The following CEP43 variants were observed in gnomAD, a reference collection of about 807,000 sequenced individuals.
CEP43 encodes the protein FGFR1 oncogene partner.
In CEP43, 36 loss-of-function variants were observed where a neutral mutation model predicts 52.6. That is an observed-to-expected ratio of 0.68 (90% CI 0.52 to 0.90). The LOEUF is 0.90. Among genes scored for constraint, CEP43 ranks in the 40% least tolerant of loss-of-function variants. The pLI, the probability that CEP43 is intolerant of heterozygous loss-of-function variation, is 0.00. For missense variants in CEP43, 506 were observed against 472.8 expected (o/e 1.07, Z -0.65); for synonymous variants, 192 against 172.4 (o/e 1.11, Z -0.89).
At chr6:167,026,826 C>G (rs1341132860) in intron 10 of CEP43, among the ~76,000 whole-genome samples, 1 of 152,172 alleles carries the variant, frequency 6.6e-6, no homozygotes, top group Admixed American at 6.5e-5. Flanking sequence ...GAACCTCTGT[C>G]TTCATGGAGT....
intron 7 of CEP43, among the ~76,000 whole-genome samples, chr6:167,020,107 A>G (rs750428294): frequency 6.6e-6 from 1 of 152,258 alleles, no homozygotes; most frequent in Non-Finnish European, 1.5e-5. Context: ...ACTGCTGTGA[A>G]TTACATAATA....
intron 7 of CEP43, among the ~76,000 whole-genome samples, chr6:167,020,400 C>T (rs991703646): frequency 6.6e-6 from 1 of 152,200 alleles, no homozygotes; most frequent in African/African-American, 2.4e-5. Flanking sequence ...ATAATGCATT[C>T]TGTCTGTACC....
intron 12 of CEP43, among the ~76,000 whole-genome samples, chr6:167,038,279 C>T (rs1449017313): frequency 6.6e-6 from 1 of 152,128 alleles, no homozygotes; most frequent in Non-Finnish European, 1.5e-5. Flanking sequence ...GTCTGAGACT[C>T]CATGGGCCGT....
At position 167,040,025 on chromosome 6, in the gene CEP43, G is replaced by A. The variant is rs777659819; in HGVS notation, c.*47G>A. The A allele has an allele frequency of 1.1e-5, 17 of 1,534,982 alleles. No homozygotes were observed. The Admixed American group carries it at 2.0e-4, about 18-fold the overall frequency. On this transcript the variant is annotated 3_prime_UTR_variant, in exon 13 of 13. Coordinates refer to ENST00000366847, the MANE Select transcript of CEP43 (RefSeq NM_007045.4). Reference sequence around the variant, plus strand: ...AATTAACAAGGACAGAGGACTGACCGGTTCCATTTTTTTTTTTTCCAGACA... The same window carrying A: ...AATTAACAAGGACAGAGGACTGACCAGTTCCATTTTTTTTTTTTCCAGACA...
rs1466778552 is a variant in CEP43 at position 167,048,283 on chromosome 6, AT to A, written c.*8307del. 1 of 152,288 alleles carries A rather than the reference AT, an allele frequency of 6.6e-6. No homozygotes were observed. The highest frequency in any genetic ancestry group is 1.5e-5 in the Non-Finnish European group (1 of 68,120). 9.4% of individuals were successfully genotyped at this position (152,288 alleles called of 1,614,324 possible). A position where few individuals can be genotyped will look rare whatever the true frequency, so the allele number is the denominator to read the frequency against. Reference sequence around the variant, plus strand: ...ATGGCCTGTGCCTGTAGTCCTAGCTATTGAGGAAACTGATGCAGGAGGATCA... The same window carrying A: ...ATGGCCTGTGCCTGTAGTCCTAGCTATGAGGAAACTGATGCAGGAGGATCA... On this transcript the variant is annotated 3_prime_UTR_variant, in exon 13 of 13. Transcript: ENST00000366847.
intron 5 of CEP43, among the ~76,000 whole-genome samples, chr6:167,006,611 G>A (rs566451550): frequency 2.6e-5 from 4 of 152,316 alleles, no homozygotes; most frequent in South Asian, 4.1e-4. Context: ...TTAGATATAA[G>A]TTAGACACGA....
intron 6 of CEP43, among the ~76,000 whole-genome samples, chr6:167,011,109 T>C (rs1053877352): frequency 6.6e-6 from 1 of 152,224 alleles, no homozygotes; most frequent in Non-Finnish European, 1.5e-5. Flanking sequence ...TAGAAAGGAA[T>C]GTGCTGGTAA....
intron 12 of CEP43, among the ~76,000 whole-genome samples, chr6:167,038,011 G>A (rs1780618939): frequency 6.6e-6 from 1 of 152,188 alleles, no homozygotes; most frequent in African/African-American, 2.4e-5. Flanking sequence ...AGCTGTCAGT[G>A]GGACCTGCCC....
intron 2 of CEP43, among the ~76,000 whole-genome samples, chr6:167,002,441 A>G (rs1779757877): frequency 6.6e-6 from 1 of 152,246 alleles, no homozygotes; most frequent in Admixed American, 6.5e-5. Context: ...GAACAGTCAC[A>G]TACAAGTCTT....
Position 167,026,607 on chromosome 6 carries a change from T to A in CEP43, c.980T>A (p.Leu327His). ...LKLISDKIGSLGLGTGEDDDY... is the reference protein window; with the variant it reads ...LKLISDKIGSHGLGTGEDDDY... ...TTGATCAGTGATAAAATTGGATCAC[T>A]TGGATTAGGTAATTAGATTTCTAGT... The change falls in exon 10 of 13, where the codon CTT becomes CAT. Residue 327 changes from leucine to histidine, a missense_variant. By Grantham distance (99) the Leu-to-His change is moderately conservative. Coordinates refer to ENST00000366847, the MANE Select transcript of CEP43 (RefSeq NM_007045.4). 1 of 1,571,832 alleles carries A rather than the reference T, an allele frequency of 6.4e-7. No homozygotes were observed. The highest frequency in any genetic ancestry group is 1.1e-5 in the South Asian group (1 of 90,138).
intron 1 of CEP43, 38 bp downstream of exon 1, chr6:166,999,552 C>T (rs368889787): frequency 8.3e-5 from 111 of 1,337,088 alleles, no homozygotes; most frequent in Non-Finnish European, 1.1e-4. Flanking sequence ...GGCGGATCCG[C>T]AGGGCTTGCG....
intron 12 of CEP43, among the ~76,000 whole-genome samples, chr6:167,034,431 T>C (rs1012322585): frequency 6.6e-6 from 1 of 152,218 alleles, no homozygotes; most frequent in Admixed American, 6.5e-5. Flanking sequence ...CAGTAGGCCA[T>C]AAAGTTAGAG....
chr6:167,036,613 G>A (rs1270879211), intron 12 of CEP43: 1 of 985,256 alleles, frequency 1.0e-6, no homozygotes, highest in Non-Finnish European at 1.2e-6. Context: ...AATCTTACAA[G>A]TTCCCGTCGA....
intron 4 of CEP43, 69 bp downstream of exon 4, chr6:167,003,880 A>G: frequency 1.1e-6 from 1 of 917,480 alleles, no homozygotes; most frequent in Non-Finnish European, 1.7e-6. Flanking sequence ...TTAAGCTGAA[A>G]GTTAATAGAA....
At chr6:167,024,143 G>A (rs112901720) in intron 8 of CEP43, among the ~76,000 whole-genome samples, 16 of 152,278 alleles carry the variant, frequency 1.1e-4, no homozygotes, top group African/African-American at 2.9e-4. Flanking sequence ...AGTGGAGAGC[G>A]TGTGGGTCTC....
At chr6:167,001,725 T>A (rs1779740491) in intron 2 of CEP43, among the ~76,000 whole-genome samples, 1 of 152,228 alleles carries the variant, frequency 6.6e-6, no homozygotes, top group African/African-American at 2.4e-5. Flanking sequence ...GCTCTGTGTC[T>A]GTCAGGTGTG....
At chr6:167,025,103 C>T in intron 9 of CEP43, 1 of 458,764 alleles carries the variant, frequency 2.2e-6, no homozygotes, top group Non-Finnish European at 3.8e-6. Context: ...TCTGGCCCTT[C>T]CTATACCTAT....
intron 10 of CEP43, among the ~76,000 whole-genome samples, chr6:167,031,244 C>T (rs565598354): frequency 1.3e-4 from 20 of 152,180 alleles, no homozygotes; most frequent in Non-Finnish European, 2.4e-4. Context: ...TTCAAACCAC[C>T]GCACCCTCCC....
chr6:166,999,399 C>T lies in CEP43; in HGVS notation c.-14C>T, dbSNP rs1426800010. On this transcript the variant is annotated 5_prime_UTR_variant, in exon 1 of 13. Coordinates refer to ENST00000366847, the MANE Select transcript of CEP43 (RefSeq NM_007045.4). ...CCGTTAGCGCGGCTTCGGCGGTTGT[C>T]TTGGAGAAGCAAGATGGCGGCGACG... The T allele has an allele frequency of 2.1e-6, 3 of 1,462,522 alleles. No homozygotes were observed. Among genetic ancestry groups the T allele is most frequent in the South Asian group, 1.4e-5 (1 of 74,022 alleles). 90.6% of individuals were successfully genotyped at this position (1,462,522 alleles called of 1,614,324 possible). A position where few individuals can be genotyped will look rare whatever the true frequency, so the allele number is the denominator to read the frequency against.
Sources: allele counts gnomAD v4.1 joint callset (sites outside exome capture counted in the v4.1 genomes callset), GRCh38; gene constraint gnomAD v4.1.1; transcripts MANE v1.5; gene names NCBI Gene and HGNC (gene_info 2026-07-23, HGNC 2026-07-21).